The following AKAP19 variants were observed in gnomAD, a reference collection of about 807,000 sequenced individuals.
AKAP19 encodes the protein A-kinase anchoring protein 19.
the AKAP19 span, among the ~76,000 whole-genome samples, chr2:189,909,359 TA>T: frequency 3.4e-3 from 525 of 152,198 alleles, 3 homozygotes; most frequent in African/African-American, 0.012. Context: ...ACATTCAAGA[TA>T]ATTATTGATA....
the AKAP19 span, among the ~76,000 whole-genome samples, chr2:190,128,862 C>A: frequency 2.6e-4 from 40 of 152,318 alleles, no homozygotes; most frequent in African/African-American, 9.1e-4. Flanking sequence ...TGTTGCATAT[C>A]CCCCTTAAGG....
At chr2:190,110,987 C>T in the AKAP19 span, among the ~76,000 whole-genome samples, 7 of 152,276 alleles carry the variant, frequency 4.6e-5, no homozygotes, top group Non-Finnish European at 7.4e-5. Context: ...GGTGCAAGAT[C>T]AGAACTATTT....
the AKAP19 span, among the ~76,000 whole-genome samples, chr2:190,196,858 C>T: frequency 2.0e-5 from 3 of 152,154 alleles, no homozygotes; most frequent in Admixed American, 2.0e-4. Context: ...GTGTCTTAGT[C>T]CATTCAGGAT....
chr2:189,974,866 A>G, the AKAP19 span, among the ~76,000 whole-genome samples: 5 of 152,072 alleles, frequency 3.3e-5, no homozygotes, highest in Non-Finnish European at 5.9e-5. Context: ...TTTTGAGCCT[A>G]TGTGTATCTC....
At chr2:189,887,899 T>C in the AKAP19 span, among the ~76,000 whole-genome samples, 2 of 152,198 alleles carry the variant, frequency 1.3e-5, no homozygotes, top group South Asian at 4.1e-4. Flanking sequence ...TCTCCCATTG[T>C]GTAGGTTGCC....
the AKAP19 span, among the ~76,000 whole-genome samples, chr2:189,991,003 G>C: frequency 6.6e-6 from 1 of 152,124 alleles, no homozygotes; most frequent in Non-Finnish European, 1.5e-5. Context: ...ACTCCATCCA[G>C]GCTGCAGCAA....
At chr2:189,980,388 G>A in the AKAP19 span, among the ~76,000 whole-genome samples, 5 of 152,290 alleles carry the variant, frequency 3.3e-5, no homozygotes, top group East Asian at 9.6e-4. Flanking sequence ...GCCCAGGCTG[G>A]AGTGCAGTGG....
chr2:190,028,447 T>G, the AKAP19 span, among the ~76,000 whole-genome samples: 1 of 152,192 alleles, frequency 6.6e-6, no homozygotes, highest in Non-Finnish European at 1.5e-5. Context: ...TTCAGAATGT[T>G]GTTCTTCTTA....
the AKAP19 span, among the ~76,000 whole-genome samples, chr2:190,089,238 C>A: frequency 6.6e-6 from 1 of 151,964 alleles, no homozygotes; most frequent in Non-Finnish European, 1.5e-5. Flanking sequence ...TGTTTTTGTT[C>A]TCTGATTCTT....
chr2:190,200,149 G>T, the AKAP19 span: 1 of 1,612,714 alleles, frequency 6.2e-7, no homozygotes, highest in East Asian at 2.2e-5. Context: ...GGGGCCTTGA[G>T]GCTGTAGGAT....
At chr2:190,071,777 C>T in the AKAP19 span, among the ~76,000 whole-genome samples, 3 of 151,226 alleles carry the variant, frequency 2.0e-5, no homozygotes, top group Admixed American at 6.6e-5. Flanking sequence ...ATAATGTACA[C>T]AAGATGGAGA....
the AKAP19 span, among the ~76,000 whole-genome samples, chr2:189,882,486 A>T: frequency 3.3e-4 from 50 of 152,298 alleles, no homozygotes; most frequent in Non-Finnish European, 5.9e-4. Context: ...GAAAGGCAGG[A>T]CAACCTGAAT....
At chr2:190,068,425 G>A in the AKAP19 span, among the ~76,000 whole-genome samples, 1 of 152,136 alleles carries the variant, frequency 6.6e-6, no homozygotes, top group African/African-American at 2.4e-5. Flanking sequence ...TGCCTCCCGG[G>A]TTCAAGCGAT....
the AKAP19 span, among the ~76,000 whole-genome samples, chr2:190,080,582 T>C: frequency 6.6e-6 from 1 of 152,216 alleles, no homozygotes; most frequent in African/African-American, 2.4e-5. Flanking sequence ...AATGTTCACA[T>C]CTAGTTCCAG....
the AKAP19 span, among the ~76,000 whole-genome samples, chr2:190,024,181 G>A: frequency 1.3e-5 from 2 of 151,846 alleles, no homozygotes; most frequent in African/African-American, 2.4e-5. Flanking sequence ...GCTGGACAGC[G>A]TCCTGGTAAA....
At chr2:190,062,558 A>G in the AKAP19 span, 1 of 1,613,140 alleles carries the variant, frequency 6.2e-7, no homozygotes, top group Non-Finnish European at 8.5e-7. Flanking sequence ...CAATCAGCAT[A>G]AACAGGTAAA....
the AKAP19 span, among the ~76,000 whole-genome samples, chr2:190,069,966 T>G: frequency 1.3e-5 from 2 of 152,212 alleles, no homozygotes; most frequent in Non-Finnish European, 2.9e-5. Flanking sequence ...AAGAACAGTT[T>G]ATTTAATTTG....
At chr2:190,202,917 T>C in the AKAP19 span, 1 of 167,092 alleles carries the variant, frequency 6.0e-6, no homozygotes, top group African/African-American at 2.4e-5. Flanking sequence ...ATGCCTTTGA[T>C]CCTAAAATTC....
the AKAP19 span, among the ~76,000 whole-genome samples, chr2:190,136,224 T>C: frequency 6.6e-6 from 1 of 152,186 alleles, no homozygotes; most frequent in African/African-American, 2.4e-5. Flanking sequence ...TGAATCCTCT[T>C]AATTCCAAAC....
Sources: gnomAD v4.1 joint callset for allele counts (sites outside exome capture counted in the v4.1 genomes callset) on GRCh38, gnomAD v4.1.1 for gene constraint, MANE v1.5 for transcripts, NCBI Gene and HGNC (gene_info 2026-07-23, HGNC 2026-07-21) for gene names.